L3HYPDH: variants seen among roughly 807,000 people sequenced by gnomAD.
The protein encoded by L3HYPDH is trans-3-hydroxy-L-proline dehydratase.
A neutral mutation model predicts 26.5 loss-of-function variants in L3HYPDH; 32 were observed. The observed-to-expected ratio is 1.21, with a 90% CI of 0.91 to 1.62. The LOEUF (loss-of-function observed/expected upper bound fraction) is 1.62, where lower values mean the gene tolerates loss of function less well. Ranked by LOEUF, L3HYPDH falls within the 40% of genes most tolerant of loss-of-function variation. The probability of loss-of-function intolerance (pLI) is 0.00; values close to 1 mark genes in which losing one functional copy is unlikely to be tolerated. For synonymous variants in L3HYPDH, 215 were observed against 196.6 expected (o/e 1.09, Z -0.78); for missense variants, 554 against 476.4 (o/e 1.16, Z -1.52).
intron 4 of L3HYPDH, chr14:59,474,625 C>G: frequency 1.6e-6 from 1 of 616,730 alleles, no homozygotes; most frequent in Non-Finnish European, 2.9e-6. Context: ...CCTTCATGAC[C>G]TGGATCTGCT....
At chr14:59,485,457 C>G (rs947623492), upstream of L3HYPDH, 1 of 210,938 alleles carries the variant, frequency 4.7e-6, no homozygotes, top group Non-Finnish European at 9.3e-6. Context: ...CTCTTTTTCT[C>G]TCAGCAGCAT....
the L3HYPDH span, among the ~76,000 whole-genome samples, chr14:59,496,153 A>T: frequency 2.0e-5 from 3 of 152,044 alleles, no homozygotes; most frequent in African/African-American, 7.2e-5. Flanking sequence ...TGATCTACCC[A>T]CCTTGGCCTC....
intron 1 of L3HYPDH, among the ~76,000 whole-genome samples, chr14:59,466,820 T>C (rs529585005): frequency 6.6e-6 from 1 of 152,266 alleles, no homozygotes; most frequent in African/African-American, 2.4e-5. Context: ...ATCTATACAT[T>C]GTATGATGTT....
At chr14:59,492,402 G>T in the L3HYPDH span, among the ~76,000 whole-genome samples, 12 of 152,136 alleles carry the variant, frequency 7.9e-5, no homozygotes, top group South Asian at 4.1e-4. Context: ...GGTAGGTGTG[G>T]GAGTGGTCCA....
chr14:59,468,164 G>A (rs1249277782), downstream of L3HYPDH, among the ~76,000 whole-genome samples: 1 of 152,196 alleles, frequency 6.6e-6, no homozygotes, highest in East Asian at 1.9e-4. Flanking sequence ...GAGGAGGGAG[G>A]ATCGTATGAG....
chr14:59,470,697 C>T (rs922769134), downstream of L3HYPDH, among the ~76,000 whole-genome samples: 1 of 152,012 alleles, frequency 6.6e-6, no homozygotes, highest in Non-Finnish European at 1.5e-5. Flanking sequence ...AACCATAAGA[C>T]CTGGCAATTA....
chr14:59,498,959 A>G, the L3HYPDH span: 1 of 971,992 alleles, frequency 1.0e-6, no homozygotes, highest in Non-Finnish European at 1.4e-6. Context: ...TGTATGTAGT[A>G]ATATTTCCTC....
intron 1 of L3HYPDH, among the ~76,000 whole-genome samples, chr14:59,482,260 C>T (rs1034512021): frequency 6.6e-6 from 1 of 152,160 alleles, no homozygotes; most frequent in African/African-American, 2.4e-5. Context: ...TGACCTTGAA[C>T]ACTATGTCTG....
At chr14:59,476,558 C>T (rs569546130) in intron 2 of L3HYPDH, among the ~76,000 whole-genome samples, 2 of 152,246 alleles carry the variant, frequency 1.3e-5, no homozygotes, top group East Asian at 1.9e-4. Context: ...CACAGGCTGG[C>T]GATGGCTGCT....
the L3HYPDH span, among the ~76,000 whole-genome samples, chr14:59,498,247 T>C: frequency 2.0e-5 from 3 of 152,250 alleles, no homozygotes; most frequent in African/African-American, 7.2e-5. Flanking sequence ...TGGCACTTAA[T>C]GTATTAGGCA....
intron 1 of L3HYPDH, among the ~76,000 whole-genome samples, chr14:59,482,136 T>C (rs1463049581): frequency 3.3e-5 from 5 of 152,190 alleles, no homozygotes; most frequent in East Asian, 3.8e-4. Context: ...GGGGTGGAGA[T>C]GAACTCAGCA....
chr14:59,484,602 T>A (rs1407981196), upstream of L3HYPDH: 1 of 1,578,994 alleles, frequency 6.3e-7, no homozygotes, highest in Admixed American at 1.8e-5. Context: ...GGGTGAGTGG[T>A]CGCCAAGATC....
At chr14:59,467,670 G>A (rs1481181293), downstream of L3HYPDH, among the ~76,000 whole-genome samples, 1 of 152,048 alleles carries the variant, frequency 6.6e-6, no homozygotes, top group Non-Finnish European at 1.5e-5. Context: ...TTATGTCTGT[G>A]GCCCCAACCT....
intron 1 of L3HYPDH, 27 bp downstream of exon 1, chr14:59,483,782 C>A: frequency 6.3e-7 from 1 of 1,586,696 alleles, no homozygotes; most frequent in Non-Finnish European, 8.5e-7. Context: ...CAGCTCTGCC[C>A]TGGGCTGGAA....
the L3HYPDH span, among the ~76,000 whole-genome samples, chr14:59,500,459 G>A: frequency 6.6e-6 from 1 of 152,152 alleles, no homozygotes; most frequent in African/African-American, 2.4e-5. Flanking sequence ...GAAAAGTGGT[G>A]TTTTAGAGGA....
chr14:59,483,768 G>A, intron 1 of L3HYPDH, 41 bp downstream of exon 1: 1 of 1,581,392 alleles, frequency 6.3e-7, no homozygotes, highest in Non-Finnish European at 8.5e-7. Context: ...TCGCGTCCCG[G>A]TTGCAGCTCT....
At chr14:59,502,774 C>CAGA in the L3HYPDH span, among the ~76,000 whole-genome samples, 1 of 2,420 alleles carries the variant, frequency 4.1e-4, no homozygotes, top group African/African-American at 1.3e-3. Flanking sequence ...TTTTTTTTTT[C>CAGA]GGAGTCTCAC....
upstream of L3HYPDH, chr14:59,484,568 G>GA: frequency 6.4e-7 from 1 of 1,572,188 alleles, no homozygotes; most frequent in Non-Finnish European, 8.6e-7. Flanking sequence ...AGTGCTTCTC[G>GA]AAAAAAACCT....
rs1309023684 is a variant in L3HYPDH at position 59,484,381 on chromosome 14, T to C, written c.-65A>G. 3.4e-5 allele frequency: 50 copies of C among 1,492,094 alleles called. No individual in the cohort carries two copies. Among genetic ancestry groups the C allele is most frequent in the Non-Finnish European group, 4.4e-5 (49 of 1,108,280 alleles). The allele number at this position is 1,492,094 out of a possible 1,614,324, so 92.4% of individuals were successfully genotyped here. ...GGCTTCAAGCCCGACCCTCACCCAC[T>C]GACTCCGCGGGAGGAGGGCGGGACG... On this transcript the variant is annotated 5_prime_UTR_variant, in exon 1 of 5. Coordinates refer to ENST00000247194, the MANE Select transcript of L3HYPDH (RefSeq NM_144581.2).
Sources: gnomAD v4.1 joint callset for allele counts (sites outside exome capture counted in the v4.1 genomes callset) on GRCh38, gnomAD v4.1.1 for gene constraint, MANE v1.5 for transcripts, NCBI Gene and HGNC (gene_info 2026-07-23, HGNC 2026-07-21) for gene names.